Variants in LSS observed in about 807,000 individuals in gnomAD.
LSS encodes the protein 2,3-epoxysqualene-lanosterol cyclase.
LSS carries 90 observed loss-of-function variants against 110.3 expected under a neutral mutation model. The ratio of observed to expected loss-of-function variants is 0.82; its 90% CI spans 0.69 to 0.97. LSS has a LOEUF of 0.97. Ranked by LOEUF, LSS falls within the 50% of genes least tolerant of loss-of-function variation. The pLI is 0.00. For missense variants in LSS, 927 were observed against 990.0 expected (o/e 0.94, Z 0.85); for synonymous variants, 433 against 400.0 (o/e 1.08, Z -0.98).
At chr21:46,219,727 A>C (rs1048195409) in intron 5 of LSS, among the ~76,000 whole-genome samples, 155 bp from the exon 6 acceptor site, 5 of 152,176 alleles carry the variant, frequency 3.3e-5, no homozygotes, top group Non-Finnish European at 7.4e-5. Context: ...CCATGTGCGA[A>C]GCAGGTTCCA....
In LSS at chr21:46,227,608, T is replaced by A; in HGVS notation, c.263A>T (p.Gln88Leu). 1.2e-6 allele frequency: 2 copies of A among 1,613,854 alleles called. No individual in the cohort carries two copies. The highest frequency in any genetic ancestry group is 1.7e-6 in the Non-Finnish European group (2 of 1,179,976). ...LNGMTFYVGLQAEDGHWTGDY... is the reference protein window; with the variant it reads ...LNGMTFYVGLLAEDGHWTGDY... ...ACCCGTCCAGTGCCCATCCTCAGCC[T>A]GCAGCCCCACGTAAAATGTCATCCC... The change falls in exon 3 of 22, where the codon CAG becomes CTG. Residue 88 changes from glutamine to leucine, a missense_variant. By Grantham distance (113) the Gln-to-Leu change is moderately radical. Transcript: ENST00000397728.
chr21:46,201,898 C>A (rs1237059110), intron 17 of LSS, among the ~76,000 whole-genome samples: 1 of 150,220 alleles, frequency 6.7e-6, no homozygotes, highest in African/African-American at 2.4e-5. Flanking sequence ...CCCGGGTTCA[C>A]GCCATTCTCC....
At chr21:46,195,608 C>CAA (rs1223454106) in intron 19 of LSS, 68 bp downstream of exon 19, 1 of 1,400,592 alleles carries the variant, frequency 7.1e-7, no homozygotes, top group African/African-American at 1.4e-5. Context: ...AATGTCAAAG[C>CAA]AAAAAACACT....
chr21:46,198,068 C>G (rs965902688), intron 17 of LSS, among the ~76,000 whole-genome samples: 1 of 152,016 alleles, frequency 6.6e-6, no homozygotes, highest in African/African-American at 2.4e-5. Context: ...GAGTTTGAGA[C>G]CAGCCTGGGC....
chr21:46,227,318 T>C, intron 3 of LSS: 2 of 547,372 alleles, frequency 3.7e-6, no homozygotes, highest in Non-Finnish European at 6.5e-6. Flanking sequence ...CACAGAGCCC[T>C]AGAGAACCAC....
Position 46,209,641 on chromosome 21 carries a change from G to C in LSS, c.1195-16C>G. The C allele has an allele frequency of 6.2e-7, 1 of 1,604,636 alleles. No individual in the cohort carries two copies. The highest frequency in any genetic ancestry group is 8.5e-7 in the Non-Finnish European group (1 of 1,175,714). On this transcript the variant is annotated splice_polypyrimidine_tract_variant and intron_variant, in intron 12 of 21. Transcript: ENST00000397728. The surrounding 1 kb of genome is among the most constrained non-coding windows in gnomAD (Gnocchi z 4.4). The stretch of plus-strand genomic sequence containing the variant: ...GCCCGCCCGCCTGGAAGAGACAGCA[G>C]GACAGAGAGGCTCAGCTGCCCTTGC...
chr21:46,225,786 G>A (rs1056438815), intron 3 of LSS, among the ~76,000 whole-genome samples: 1 of 152,166 alleles, frequency 6.6e-6, no homozygotes, highest in Non-Finnish European at 1.5e-5. Flanking sequence ...CGTGACCCAT[G>A]TGACCTTACC....
intron 20 of LSS, chr21:46,192,401 G>C: frequency 2.3e-6 from 1 of 427,466 alleles, no homozygotes; most frequent in Non-Finnish European, 4.7e-6. Context: ...GGGTCCCCCA[G>C]ACCCTGCTGC....
Position 46,206,778 on chromosome 21 carries a change from C to A in LSS, c.1468-10G>T. The A allele has an allele frequency of 6.2e-7, 1 of 1,604,886 alleles. No individual in the cohort carries two copies. ...TTCTCATGTTCAGCAGCTGAAATCACAGAGAGCACCCTAGAACTCGCCCAT... is the reference window on the plus strand; with the variant it reads ...TTCTCATGTTCAGCAGCTGAAATCAAAGAGAGCACCCTAGAACTCGCCCAT... On this transcript the variant is annotated splice_polypyrimidine_tract_variant and intron_variant, in intron 15 of 21. Coordinates refer to ENST00000397728, the MANE Select transcript of LSS (RefSeq NM_002340.6).
chr21:46,191,077 G>A lies in LSS; in HGVS notation c.*27C>T, dbSNP rs746033072. On this transcript the variant is annotated 3_prime_UTR_variant, in exon 22 of 22. Coordinates refer to ENST00000397728, the MANE Select transcript of LSS (RefSeq NM_002340.6). ...CCCCTTGGCCTCACTGGAACGCACA[G>A]ACGGCACCCAGCAGGTAGGCATGTT... 34 of 1,613,670 alleles carry A rather than the reference G, an allele frequency of 2.1e-5. No individual in the cohort carries two copies. Among genetic ancestry groups the A allele is most frequent in the Non-Finnish European group, 2.8e-5 (33 of 1,179,874 alleles).
At chr21:46,213,976 T>C (rs2080168149) in intron 9 of LSS, 141 bp from the exon 10 acceptor site, 5 of 659,616 alleles carry the variant, frequency 7.6e-6, no homozygotes, top group Middle Eastern at 2.4e-4. Flanking sequence ...GGCCTTCTGC[T>C]CTAACAGGCA....
Position 46,219,542 on chromosome 21 carries a change from T to A in LSS, c.581A>T (p.Lys194Met). The change falls in exon 6 of 22, where the codon AAG (lysine) becomes ATG (methionine). Residue 194 changes from lysine to methionine, a missense_variant. Lys to Met is a moderately conservative substitution (Grantham distance 95). Transcript: ENST00000397728. ...GGAVAIPSWG[K>M]FWLAVLNVYS... ...AACATTCAGGACAGCCAGCCAGAAC[T>A]TCCCCCAGGAGGGGATGGCCACAGC... 1 of 1,602,218 alleles carries A rather than the reference T, an allele frequency of 6.2e-7. No individual in the cohort carries two copies. Among genetic ancestry groups the A allele is most frequent in the East Asian group, 2.3e-5 (1 of 43,746 alleles).
At position 46,209,473 on chromosome 21, in the gene LSS, AG is replaced by A. The variant is rs374499337; in HGVS notation, c.1266+80del. 144 of 1,270,768 alleles carry A rather than the reference AG, an allele frequency of 1.1e-4. 1 individual carries two copies. The Middle Eastern group carries it at 2.4e-3, about 21-fold the overall frequency. The allele number at this position is 1,270,768 out of a possible 1,614,324, so 78.7% of individuals were successfully genotyped here. A position where few individuals can be genotyped will look rare whatever the true frequency, so the allele number is the denominator to read the frequency against. On this transcript the variant is annotated intron_variant, in intron 13 of 21. Transcript: ENST00000397728. The surrounding 1 kb of genome is among the most constrained non-coding windows in gnomAD (Gnocchi z 4.4). ...CAGGAAATAGGGCAGGGTGGAGGTG[AG>A]GTGGGCACTTCTGCCTGCAGGAGCT...
chr21:46,210,676 G>T lies in LSS; in HGVS notation c.1194+12C>A. 1 of 1,613,670 alleles carries T rather than the reference G, an allele frequency of 6.2e-7. No individual in the cohort carries two copies. Among genetic ancestry groups the T allele is most frequent in the African/African-American group, 1.3e-5 (1 of 75,052 alleles). Reference sequence around the variant, plus strand: ...GTCAGCTGAGGCTGAGAAAAGAGAAGGAGCCACGAACCTCAAGCAGAGCCT... The same window carrying T: ...GTCAGCTGAGGCTGAGAAAAGAGAATGAGCCACGAACCTCAAGCAGAGCCT... On this transcript the variant is annotated intron_variant, in intron 12 of 21. Coordinates refer to ENST00000397728, the MANE Select transcript of LSS (RefSeq NM_002340.6).
At chr21:46,215,849 C>T in intron 7 of LSS, 56 bp from the exon 8 acceptor site, 1 of 1,239,360 alleles carries the variant, frequency 8.1e-7, no homozygotes, top group Non-Finnish European at 1.2e-6. Flanking sequence ...AGGCCTGGCT[C>T]AAACCAGGAG....
At chr21:46,218,092 T>A (rs1324982827) in intron 6 of LSS, among the ~76,000 whole-genome samples, 2 of 144,132 alleles carry the variant, frequency 1.4e-5, no homozygotes, top group Non-Finnish European at 1.5e-5. Context: ...TCCCCTAACT[T>A]GACCCCCCAC....
chr21:46,216,417 T>A lies in LSS; in HGVS notation c.755A>T (p.Glu252Val). 1 of 1,613,876 alleles carries A rather than the reference T, an allele frequency of 6.2e-7. No individual in the cohort carries two copies. The highest frequency in any genetic ancestry group is 8.5e-7 in the Non-Finnish European group (1 of 1,180,028). Reference protein sequence around the residue: ...YCYAVRLSAAEDPLVQSLRQE... With the variant: ...YCYAVRLSAAVDPLVQSLRQE... ...GCGGAGGCTCTGGACCAGCGGGTCT[T>A]CCGCGGCACTCAGCCGAACGGCGTA... The change falls in exon 7 of 22, where the codon GAA (glutamate) becomes GTA (valine). Residue 252 changes from glutamate (E) to valine (V), a missense_variant. Physicochemically the swap from Glu to Val is moderately radical, Grantham distance 121. Transcript: ENST00000397728. This position sits in a 1 kb window ranked among gnomAD's most constrained non-coding sequence, Gnocchi z 4.2.
At chr21:46,228,620 G>C in intron 1 of LSS, 21 bp from the exon 2 acceptor site, 1 of 1,592,126 alleles carries the variant, frequency 6.3e-7, no homozygotes, top group East Asian at 2.3e-5. Context: ...CCGGCCATCA[G>C]CGACCCAGGC....
In LSS at chr21:46,228,601, T is replaced by C. The variant is rs1258620710; in HGVS notation, c.15-2A>G. 2.5e-6 allele frequency: 4 copies of C among 1,592,306 alleles called. No individual in the cohort carries two copies. Among genetic ancestry groups the C allele is most frequent in the Non-Finnish European group, 8.5e-7 (1 of 1,176,182 alleles). On this transcript the variant is annotated splice_acceptor_variant, in intron 1 of 21. Coordinates refer to ENST00000397728, the MANE Select transcript of LSS (RefSeq NM_002340.6). LOFTEE classifies it high-confidence loss of function. ...GGGCCCCCTCGGCGCCGCAGACACCTGAGGACCACCGGCCATCAGCGACCC... is the reference window on the plus strand; with the variant it reads ...GGGCCCCCTCGGCGCCGCAGACACCCGAGGACCACCGGCCATCAGCGACCC...
Sources: gnomAD v4.1 joint callset for allele counts (sites outside exome capture counted in the v4.1 genomes callset) on GRCh38, gnomAD v4.1.1 for gene constraint, Gnocchi (gnomAD v3.1) non-coding constraint, MANE v1.5 for transcripts, NCBI Gene and HGNC (gene_info 2026-07-23, HGNC 2026-07-21) for gene names.